The following WWOX variants were observed in gnomAD, a reference collection of about 807,000 sequenced individuals.
WWOX encodes WW domain containing oxidoreductase, also known as WW domain-containing oxidoreductase.
In WWOX, 69 loss-of-function variants were observed where a neutral mutation model predicts 46.2. That is an observed-to-expected ratio of 1.49 (90% CI 1.23 to 1.82). The LOEUF (loss-of-function observed/expected upper bound fraction) is 1.82. WWOX is among the 40% of genes most tolerant of loss of function. WWOX has a pLI of 0.00. For missense variants in WWOX, 919 were observed against 542.6 expected (o/e 1.69, Z -6.89); for synonymous variants, 359 against 202.6 (o/e 1.77, Z -6.56).
chr16:78,144,439 A>ATATATACGTG (rs1321276509), intron 4 of WWOX, among the ~76,000 whole-genome samples: 3 of 20,732 alleles, frequency 1.4e-4, no homozygotes, highest in Non-Finnish European at 2.4e-4. Context: ...CTATATATAT[A>ATATATACGTG]TATATATACA....
chr16:78,878,707 G>C (rs2044281706), intron 8 of WWOX, among the ~76,000 whole-genome samples: 1 of 151,908 alleles, frequency 6.6e-6, no homozygotes, highest in Non-Finnish European at 1.5e-5. Context: ...CCCTTTCCCT[G>C]CAACACCCAG....
chr16:79,133,513 T>C (rs1389186896), intron 8 of WWOX, among the ~76,000 whole-genome samples: 1 of 152,240 alleles, frequency 6.6e-6, no homozygotes, highest in Non-Finnish European at 1.5e-5. Flanking sequence ...TTTTAGTATA[T>C]TTAAACTTCA....
At chr16:78,475,274 C>G (rs935607719) in intron 8 of WWOX, among the ~76,000 whole-genome samples, 1 of 152,206 alleles carries the variant, frequency 6.6e-6, no homozygotes. Context: ...CTTCTCCTCC[C>G]TGTGTATTGA....
chr16:78,503,762 G>A (rs1011749569), intron 8 of WWOX: 2 of 152,176 alleles, frequency 1.3e-5, no homozygotes, highest in Non-Finnish European at 2.9e-5. Context: ...TAGAAGGCCT[G>A]CGAGTATTTC....
At chr16:78,958,104 G>T (rs1038726134) in intron 8 of WWOX, among the ~76,000 whole-genome samples, 2 of 152,122 alleles carry the variant, frequency 1.3e-5, no homozygotes, top group Non-Finnish European at 2.9e-5. Flanking sequence ...CATATTCTCC[G>T]ATATATTATT....
rs375482621 is a variant in WWOX, at chr16:79,156,759, C to A, written c.1057-54849C>A. ...CCTGTGTTCAAAGTCTTAAGAATAT[C>A]CAAGGGATGTATGATGTATGCATAA... On this transcript the variant is annotated intron_variant, in intron 8 of 8. Transcript: ENST00000566780. Among the ~76,000 whole-genome samples the A allele has an allele frequency of 1.3e-4, 19 of 151,886 alleles. No homozygotes were observed. In the East Asian group the frequency reaches 1.9e-3, roughly 15 times the overall value.
At chr16:79,090,859 T>C (rs2048945282) in intron 8 of WWOX, among the ~76,000 whole-genome samples, 1 of 152,190 alleles carries the variant, frequency 6.6e-6, no homozygotes, top group Non-Finnish European at 1.5e-5. Flanking sequence ...AGCGGCATGA[T>C]CTCAGCTCAC....
chr16:78,975,522 G>C (rs1386690457), intron 8 of WWOX, among the ~76,000 whole-genome samples: 1 of 151,594 alleles, frequency 6.6e-6, no homozygotes, highest in Non-Finnish European at 1.5e-5. Context: ...TTTCCTAATG[G>C]TCTTTGCCCA....
At chr16:78,150,324 C>G (rs1021436292) in intron 4 of WWOX, among the ~76,000 whole-genome samples, 1 of 152,204 alleles carries the variant, frequency 6.6e-6, no homozygotes, top group African/African-American at 2.4e-5. Flanking sequence ...TCTCCAGGCA[C>G]CACATGCTCA....
intron 8 of WWOX, among the ~76,000 whole-genome samples, chr16:78,514,546 C>T (rs902807571): frequency 1.3e-5 from 2 of 152,128 alleles, no homozygotes; most frequent in Non-Finnish European, 2.9e-5. Context: ...ATTGCCTTTC[C>T]TCTGAGCTCT....
At chr16:79,107,273 C>T (rs942903273) in intron 8 of WWOX, among the ~76,000 whole-genome samples, 2 of 149,280 alleles carry the variant, frequency 1.3e-5, no homozygotes, top group South Asian at 2.1e-4. Flanking sequence ...TTTTTGATCT[C>T]ATCCTTGCTG....
chr16:78,680,353 G>C lies in WWOX; in HGVS notation c.1056+247601G>C, dbSNP rs541229665. Among the ~76,000 whole-genome samples the C allele has an allele frequency of 6.6e-5, 10 of 152,146 alleles. No homozygotes were observed. In the South Asian group the frequency reaches 8.3e-4, roughly 13 times the overall value. ...GAGCCCAGGAGTTCAAGACCAGCCTGAACGACGTAAAAAGACCTATCTCTA... is the reference window on the plus strand; with the variant it reads ...GAGCCCAGGAGTTCAAGACCAGCCTCAACGACGTAAAAAGACCTATCTCTA... On this transcript the variant is annotated intron_variant, in intron 8 of 8. Coordinates refer to ENST00000566780, the MANE Select transcript of WWOX (RefSeq NM_016373.4).
intron 8 of WWOX, among the ~76,000 whole-genome samples, chr16:79,126,415 T>C (rs575774060): frequency 3.3e-5 from 5 of 152,180 alleles, no homozygotes; most frequent in African/African-American, 1.2e-4. Context: ...ATGGGGGTGG[T>C]TTTCCCCATG....
chr16:78,926,091 C>T (rs2045491189), intron 8 of WWOX, among the ~76,000 whole-genome samples: 1 of 152,098 alleles, frequency 6.6e-6, no homozygotes, highest in South Asian at 2.1e-4. Flanking sequence ...GGTTTACAGC[C>T]AATTGTAGAA....
chr16:79,186,769 A>T (rs7191212), intron 8 of WWOX, among the ~76,000 whole-genome samples: 2 of 152,038 alleles, frequency 1.3e-5, no homozygotes, highest in Non-Finnish European at 2.9e-5. Flanking sequence ...TTTTTCTCCA[A>T]TCCTCACGCT....
At chr16:78,103,996 G>T (rs1181285260) in intron 1 of WWOX, among the ~76,000 whole-genome samples, 1 of 152,048 alleles carries the variant, frequency 6.6e-6, no homozygotes, top group East Asian at 1.9e-4. Flanking sequence ...CAAGAGAGCT[G>T]GTGGGCCTTT....
intron 8 of WWOX, among the ~76,000 whole-genome samples, chr16:79,182,933 G>C (rs1475943933): frequency 6.6e-6 from 1 of 152,216 alleles, no homozygotes; most frequent in Non-Finnish European, 1.5e-5. Flanking sequence ...AAAGTAGGCT[G>C]AGGGAGCTCT....
At chr16:78,669,836 T>G (rs1246155563) in intron 8 of WWOX, among the ~76,000 whole-genome samples, 1 of 152,240 alleles carries the variant, frequency 6.6e-6, no homozygotes, top group Non-Finnish European at 1.5e-5. Context: ...AAATAATCTC[T>G]AATAAGATGT....
intron 8 of WWOX, among the ~76,000 whole-genome samples, chr16:78,571,951 C>G (rs540031571): frequency 1.8e-3 from 267 of 152,276 alleles, no homozygotes; most frequent in Non-Finnish European, 3.3e-3. Context: ...AAGGTCATAA[C>G]AAGCACTGGA....
Sources: allele counts gnomAD v4.1 joint callset (sites outside exome capture counted in the v4.1 genomes callset), GRCh38; gene constraint gnomAD v4.1.1; transcripts MANE v1.5; gene names NCBI Gene and HGNC (gene_info 2026-07-23, HGNC 2026-07-21).